The following ZMYND8 variants were observed in gnomAD, a reference collection of about 807,000 sequenced individuals.
The protein encoded by ZMYND8 is zinc finger MYND-type containing 8.
A neutral mutation model predicts 140.8 loss-of-function variants in ZMYND8; 37 were observed. That is an observed-to-expected ratio of 0.26 (90% confidence interval 0.20 to 0.35). ZMYND8 has a LOEUF of 0.35. Ranked by LOEUF, ZMYND8 falls within the 10% of genes least tolerant of loss-of-function variation. The pLI, the probability that ZMYND8 is intolerant of heterozygous loss-of-function variation, is 1.00. For synonymous variants in ZMYND8, 592 were observed against 597.1 expected, an observed-to-expected ratio of 0.99 and a Z score of 0.12; for missense variants, 1,068 against 1,570.0, an observed-to-expected ratio of 0.68 and a Z score of 5.40.
intron 1 of ZMYND8, among the ~76,000 whole-genome samples, chr20:47,351,041 A>G (rs2082737665): frequency 6.6e-6 from 1 of 152,246 alleles, no homozygotes; most frequent in Admixed American, 6.5e-5. Context: ...AAGAAATAAC[A>G]GTACCTGCAA....
intron 7 of ZMYND8, among the ~76,000 whole-genome samples, 200 bp downstream of exon 7, chr20:47,289,987 C>T (rs1001443826): frequency 2.6e-5 from 4 of 152,206 alleles, no homozygotes; most frequent in Non-Finnish European, 4.4e-5. Flanking sequence ...GGCAGCAGCA[C>T]CATGCAGCTG....
At chr20:47,301,371 G>T (rs774052401) in intron 3 of ZMYND8, among the ~76,000 whole-genome samples, 1 of 151,828 alleles carries the variant, frequency 6.6e-6, no homozygotes, top group Non-Finnish European at 1.5e-5. Context: ...GGCCAGGATG[G>T]TCTCGAACTC....
chr20:47,210,767 C>T lies in ZMYND8; in HGVS notation c.3699G>A (p.Trp1233Ter). 1 of 1,614,146 alleles carries T rather than the reference C, an allele frequency of 6.2e-7. No individual in the cohort carries two copies. The highest frequency in any genetic ancestry group is 1.1e-5 in the South Asian group (1 of 91,072). Residue 1233 changes from tryptophan to a stop codon, truncating the protein, a stop_gained, in exon 23 of 23, where the codon TGG (tryptophan) becomes TGA (stop). Coordinates refer to ENST00000471951, the MANE Select transcript of ZMYND8 (RefSeq NM_001281775.3). LOFTEE classifies it high-confidence loss of function. ...TTTGTGTCCCGATTCACTGCTAGTCCCAGAAGGTGTCCAGCCGAGACTCTT... is the reference window on the plus strand; with the variant it reads ...TTTGTGTCCCGATTCACTGCTAGTCTCAGAAGGTGTCCAGCCGAGACTCTT... ...LPKESRLDTF[W>*]D is the part of the protein sequence containing the mutation.
chr20:47,257,958 A>T (rs958443418), intron 12 of ZMYND8, among the ~76,000 whole-genome samples: 2 of 152,164 alleles, frequency 1.3e-5, no homozygotes, highest in African/African-American at 4.8e-5. Flanking sequence ...CCTGGGCTCA[A>T]GCAATCCTCC....
chr20:47,306,559 T>C (rs185890208), intron 3 of ZMYND8, among the ~76,000 whole-genome samples: 1 of 150,968 alleles, frequency 6.6e-6, no homozygotes, highest in African/African-American at 2.5e-5. Flanking sequence ...AATGGAAATA[T>C]ATGGATTATT....
intron 1 of ZMYND8, among the ~76,000 whole-genome samples, chr20:47,350,627 A>C (rs1044102722): frequency 1.3e-5 from 2 of 152,184 alleles, no homozygotes; most frequent in Non-Finnish European, 2.9e-5. Flanking sequence ...TTGGGGGAAA[A>C]AAAACAGTCA....
At chr20:47,311,204 T>C (rs1179403599) in intron 2 of ZMYND8, among the ~76,000 whole-genome samples, 1 of 152,208 alleles carries the variant, frequency 6.6e-6, no homozygotes, top group Non-Finnish European at 1.5e-5. Context: ...GGCCTCGTGT[T>C]TGAGACCCTC....
At chr20:47,238,425 G>A in intron 15 of ZMYND8, 4 of 399,588 alleles carry the variant, frequency 1.0e-5, no homozygotes, top group South Asian at 9.8e-5. Context: ...CTTTTACAAC[G>A]GTTGATACTG....
At chr20:47,283,512 G>A (rs766076864) in intron 9 of ZMYND8, 59 bp downstream of exon 9, 16 of 1,567,858 alleles carry the variant, frequency 1.0e-5, no homozygotes, top group Non-Finnish European at 1.1e-5. Flanking sequence ...GCTGTCTCAG[G>A]GTAGTCATCC....
chr20:47,213,348 T>C (rs1600836156), intron 21 of ZMYND8, among the ~76,000 whole-genome samples: 1 of 152,052 alleles, frequency 6.6e-6, no homozygotes, highest in Non-Finnish European at 1.5e-5. Flanking sequence ...AGAAGCTTCA[T>C]AGGAAAACAA....
At chr20:47,338,984 T>G (rs2081606689) in intron 2 of ZMYND8, among the ~76,000 whole-genome samples, 1 of 150,940 alleles carries the variant, frequency 6.6e-6, no homozygotes, top group Non-Finnish European at 1.5e-5. Flanking sequence ...TTTTTTTTTT[T>G]TTTTGTGAGA....
intron 7 of ZMYND8, 60 bp from the exon 8 acceptor site, chr20:47,287,344 G>T: frequency 7.1e-7 from 1 of 1,411,280 alleles, no homozygotes; most frequent in Admixed American, 1.7e-5. Context: ...CGGGCCTGGG[G>T]ACTTTACTTC....
At chr20:47,312,372 T>G (rs2079004664) in intron 2 of ZMYND8, among the ~76,000 whole-genome samples, 1 of 152,144 alleles carries the variant, frequency 6.6e-6, no homozygotes, top group Non-Finnish European at 1.5e-5. Context: ...CATGCAAGCT[T>G]CTGGACAATC....
chr20:47,336,373 G>A (rs1006705834), intron 2 of ZMYND8, among the ~76,000 whole-genome samples: 2 of 152,134 alleles, frequency 1.3e-5, no homozygotes, highest in Admixed American at 6.5e-5. Flanking sequence ...TTTCCAAGTC[G>A]TTCATTCCCT....
intron 8 of ZMYND8, among the ~76,000 whole-genome samples, chr20:47,286,927 A>T (rs2076960688): frequency 6.6e-6 from 1 of 152,180 alleles, no homozygotes; most frequent in Admixed American, 6.5e-5. Context: ...CAAGGTCAGA[A>T]ATTACGAATT....
chr20:47,249,280 G>T lies in ZMYND8; in HGVS notation c.1774+7C>A. Reference sequence around the variant, plus strand: ...GCTGGAAAAAAAAAACAAAACCAAAGGTATACCTAATTGTGCTTTGCAACT... The same window carrying T: ...GCTGGAAAAAAAAAACAAAACCAAATGTATACCTAATTGTGCTTTGCAACT... On this transcript the variant is annotated splice_region_variant and intron_variant, in intron 13 of 22. Transcript: ENST00000471951. The T allele has an allele frequency of 6.2e-7, 1 of 1,610,424 alleles. No homozygotes were observed.
At chr20:47,270,108 A>G (rs1384083139) in intron 11 of ZMYND8, among the ~76,000 whole-genome samples, 5 of 151,994 alleles carry the variant, frequency 3.3e-5, no homozygotes, top group Admixed American at 6.5e-5. Context: ...GTGGTGGCGC[A>G]CACTTGTACT....
intron 21 of ZMYND8, among the ~76,000 whole-genome samples, chr20:47,216,495 C>CAAAAAAAAAAAAAAAAAAAAAAA (rs10536216): frequency 1.7e-5 from 1 of 59,440 alleles, no homozygotes. Context: ...GACTCTGTCT[C>CAAAAAAAAAAAAAAAAAAAAAAA]AAAAAAAAAA....
chr20:47,257,473 C>T (rs2074828599), intron 12 of ZMYND8, among the ~76,000 whole-genome samples: 1 of 151,796 alleles, frequency 6.6e-6, no homozygotes, highest in African/African-American at 2.4e-5. Flanking sequence ...TACACACACG[C>T]AAATACAACA....
Sources: allele counts gnomAD v4.1 joint callset (sites outside exome capture counted in the v4.1 genomes callset), GRCh38; gene constraint gnomAD v4.1.1; transcripts MANE v1.5; gene names NCBI Gene and HGNC (gene_info 2026-07-23, HGNC 2026-07-21).